The following CMTM8 variants were observed in gnomAD, a reference collection of about 807,000 sequenced individuals.
The protein encoded by CMTM8 is CKLF-like MARVEL transmembrane domain-containing protein 8.
Under a neutral mutation model 18.6 loss-of-function variants are expected in CMTM8, and 12 were observed. That is an observed-to-expected ratio of 0.65 (90% CI 0.41 to 1.05). The LOEUF (loss-of-function observed/expected upper bound fraction) is 1.05. Among genes scored for constraint, CMTM8 ranks in the 50% least tolerant of loss-of-function variants. CMTM8 has a pLI of 0.00. For missense variants in CMTM8, 217 were observed against 227.2 expected (o/e 0.95, Z 0.29); for synonymous variants, 87 against 90.6 (o/e 0.96, Z 0.23).
chr3:32,355,990 T>C (rs1696808117), intron 1 of CMTM8, among the ~76,000 whole-genome samples: 1 of 152,184 alleles, frequency 6.6e-6, no homozygotes. Flanking sequence ...TATCATACCG[T>C]TTACCTTCTT....
chr3:32,316,525 T>C (rs1695935342), intron 1 of CMTM8, among the ~76,000 whole-genome samples: 1 of 152,210 alleles, frequency 6.6e-6, no homozygotes, highest in Non-Finnish European at 1.5e-5. Flanking sequence ...ACAGAAGGCA[T>C]GACAAGAATG....
At chr3:32,334,904 C>T (rs1405933545) in intron 1 of CMTM8, among the ~76,000 whole-genome samples, 6 of 152,128 alleles carry the variant, frequency 3.9e-5, no homozygotes, top group African/African-American at 1.4e-4. Context: ...CAATCCTAGG[C>T]CAACTCCTAC....
chr3:32,355,487 C>G (rs758009904), intron 1 of CMTM8, among the ~76,000 whole-genome samples: 31 of 152,148 alleles, frequency 2.0e-4, no homozygotes, highest in Non-Finnish European at 4.4e-4. Flanking sequence ...ACTCACTTCT[C>G]GATATTCACT....
chr3:32,247,376 A>T (rs1203018010), intron 1 of CMTM8, among the ~76,000 whole-genome samples: 2 of 152,124 alleles, frequency 1.3e-5, no homozygotes, highest in Non-Finnish European at 2.9e-5. Flanking sequence ...GCGGTGGCAC[A>T]ATCTCAGCTC....
chr3:32,349,517 C>T (rs115201684), intron 1 of CMTM8, among the ~76,000 whole-genome samples: 4,328 of 152,212 alleles, frequency 0.028, 120 homozygotes, highest in African/African-American at 0.065. Context: ...TTTCGTTTTA[C>T]CTTATTTACA....
intron 1 of CMTM8, among the ~76,000 whole-genome samples, chr3:32,279,346 C>T (rs1428780976): frequency 1.1e-5 from 1 of 92,442 alleles, no homozygotes; most frequent in Non-Finnish European, 2.2e-5. Context: ...ACCCCACCAC[C>T]GTCCCCAGAG....
In CMTM8 at chr3:32,279,180, A is replaced by AATT. The variant is rs1553603398; in HGVS notation, c.147+40061_147+40062insATT. Among the ~76,000 whole-genome samples, 255 of 140,594 alleles carry AATT rather than the reference A, an allele frequency of 1.8e-3. 1 individual carries two copies. The highest frequency in any genetic ancestry group is 6.2e-3 in the African/African-American group (241 of 38,608). 92.2% of individuals were successfully genotyped at this position (140,594 alleles called of 152,430 possible). A position where few individuals can be genotyped will look rare whatever the true frequency, so the allele number is the denominator to read the frequency against. On this transcript the variant is annotated intron_variant, in intron 1 of 3. Transcript: ENST00000307526. ...TTATAATTAGTGATTTTTTTTTTTA[A>AATT]TTTTTTTTTTATTATACTTTAAGTT... is the stretch of plus-strand genomic sequence containing the variant.
At chr3:32,267,205 A>G (rs1702362603) in intron 1 of CMTM8, among the ~76,000 whole-genome samples, 1 of 152,254 alleles carries the variant, frequency 6.6e-6, no homozygotes, top group South Asian at 2.1e-4. Context: ...AAGCTATCCT[A>G]CAAGGCTACA....
At chr3:32,255,440 G>T (rs537755549) in intron 1 of CMTM8, among the ~76,000 whole-genome samples, 8 of 152,224 alleles carry the variant, frequency 5.3e-5, no homozygotes, top group Non-Finnish European at 8.8e-5. Flanking sequence ...GTCATCTTAA[G>T]ATTCCCACCC....
At chr3:32,321,359 T>G (rs999389246) in intron 1 of CMTM8, among the ~76,000 whole-genome samples, 7 of 152,058 alleles carry the variant, frequency 4.6e-5, no homozygotes, top group Non-Finnish European at 7.4e-5. Flanking sequence ...CGACGGGGGC[T>G]TGGGTGTGCA....
At chr3:32,259,135 G>T in intron 1 of CMTM8, 1 of 415,058 alleles carries the variant, frequency 2.4e-6, no homozygotes, top group South Asian at 2.0e-5. Flanking sequence ...GGGGTCCGGG[G>T]ACCTGGCCGC....
intron 1 of CMTM8, among the ~76,000 whole-genome samples, chr3:32,343,451 C>CT (rs1313730419): frequency 6.6e-6 from 1 of 152,190 alleles, no homozygotes; most frequent in African/African-American, 2.4e-5. Context: ...GCTGGGGTGT[C>CT]TGTCTCAGAG....
At chr3:32,332,721 AAG>A (rs1458657860) in intron 1 of CMTM8, among the ~76,000 whole-genome samples, 1 of 152,102 alleles carries the variant, frequency 6.6e-6, no homozygotes, top group Non-Finnish European at 1.5e-5. Context: ...GGCCTCCTGT[AAG>A]AGGAGAGAGA....
At chr3:32,258,924 A>C (rs1011725577) in intron 1 of CMTM8, 4 of 292,124 alleles carry the variant, frequency 1.4e-5, no homozygotes, top group Non-Finnish European at 2.0e-5. Context: ...TCCCCACCCC[A>C]CTGCCCCCGG....
intron 1 of CMTM8, among the ~76,000 whole-genome samples, chr3:32,310,110 C>T (rs1695791600): frequency 6.6e-6 from 1 of 151,960 alleles, no homozygotes; most frequent in Non-Finnish European, 1.5e-5. Flanking sequence ...TTACTGTTCT[C>T]ATGTGTAGAA....
At chr3:32,260,011 C>A in intron 1 of CMTM8, 1 of 1,129,954 alleles carries the variant, frequency 8.8e-7, no homozygotes, top group Non-Finnish European at 1.3e-6. Flanking sequence ...AGGGACAGCA[C>A]CAGGCCCAGG....
At chr3:32,294,171 G>A (rs1482145340) in intron 1 of CMTM8, among the ~76,000 whole-genome samples, 1 of 152,192 alleles carries the variant, frequency 6.6e-6, no homozygotes, top group Non-Finnish European at 1.5e-5. Flanking sequence ...CTTAACCTGA[G>A]TAACATTGAT....
intron 1 of CMTM8, among the ~76,000 whole-genome samples, chr3:32,335,917 A>C (rs1160089106): frequency 6.6e-6 from 1 of 152,158 alleles, no homozygotes. Flanking sequence ...ACTCAGAGGC[A>C]GTTAAACATC....
intron 1 of CMTM8, among the ~76,000 whole-genome samples, chr3:32,317,892 A>T (rs1456254163): frequency 1.2e-4 from 19 of 152,042 alleles, no homozygotes; most frequent in Admixed American, 1.2e-3. Context: ...CGTCTCTATT[A>T]AAAATATAAA....
Sources: allele counts gnomAD v4.1 joint callset (sites outside exome capture counted in the v4.1 genomes callset), GRCh38; gene constraint gnomAD v4.1.1; transcripts MANE v1.5; gene names NCBI Gene and HGNC (gene_info 2026-07-23, HGNC 2026-07-21).